YEATS4: variants seen among roughly 807,000 people sequenced by gnomAD.
YEATS4 encodes YEATS domain-containing protein 4.
A neutral mutation model predicts 30.1 loss-of-function variants in YEATS4; 17 were observed. The observed-to-expected ratio is 0.56, with a 90% CI of 0.39 to 0.85. YEATS4 has a LOEUF of 0.85. Among genes scored for constraint, YEATS4 ranks in the 40% least tolerant of loss-of-function variants. The pLI is 0.00. For missense variants in YEATS4, 142 were observed against 268.3 expected (o/e 0.53, Z 3.29); for synonymous variants, 85 against 87.5 (o/e 0.97, Z 0.16).
chr12:69,403,218 A>G, the YEATS4 span, among the ~76,000 whole-genome samples: 1 of 152,162 alleles, frequency 6.6e-6, no homozygotes. Flanking sequence ...ATTCAAAGTA[A>G]AAACCTGAGA....
chr12:69,372,202 AT>A, intron 6 of YEATS4, among the ~76,000 whole-genome samples: 1 of 152,266 alleles, frequency 6.6e-6, no homozygotes, highest in African/African-American at 2.4e-5. Context: ...AAAATGTTTA[AT>A]TTTGTGGGTA....
the YEATS4 span, among the ~76,000 whole-genome samples, chr12:69,420,412 A>G: frequency 0.11 from 16,356 of 150,838 alleles, 1,130 homozygotes; most frequent in East Asian, 0.36. Context: ...GGTTAGGGGG[A>G]GGGGGACAGA....
chr12:69,393,519 A>G (rs1479935882), downstream of YEATS4, among the ~76,000 whole-genome samples: 1 of 151,944 alleles, frequency 6.6e-6, no homozygotes, highest in Non-Finnish European at 1.5e-5. Context: ...AGGAAAAAAA[A>G]AAGAGTAAAT....
At chr12:69,413,857 AAAAAAAG>A in the YEATS4 span, among the ~76,000 whole-genome samples, 13 of 135,730 alleles carry the variant, frequency 9.6e-5, no homozygotes, top group East Asian at 2.5e-4. Context: ...GTCAAAAAAA[AAAAAAAG>A]AAAAAGAAAA....
the YEATS4 span, among the ~76,000 whole-genome samples, chr12:69,404,991 T>C: frequency 6.6e-5 from 10 of 152,190 alleles, no homozygotes; most frequent in African/African-American, 2.4e-4. Context: ...GAGAATGAAG[T>C]TGATACACAG....
At chr12:69,402,490 C>T in the YEATS4 span, among the ~76,000 whole-genome samples, 1 of 152,108 alleles carries the variant, frequency 6.6e-6, no homozygotes, top group African/African-American at 2.4e-5. Flanking sequence ...ACTGCTCTGT[C>T]CAGTCTTCTA....
chr12:69,422,072 G>A, the YEATS4 span, among the ~76,000 whole-genome samples: 1 of 152,118 alleles, frequency 6.6e-6, no homozygotes, highest in Non-Finnish European at 1.5e-5. Flanking sequence ...GGAGACCAGA[G>A]TGCTAATAGG....
the YEATS4 span, among the ~76,000 whole-genome samples, chr12:69,418,788 A>C: frequency 6.6e-6 from 1 of 152,050 alleles, no homozygotes; most frequent in African/African-American, 2.4e-5. Context: ...TAAGTTGTAA[A>C]TATAGCTGGC....
downstream of YEATS4, among the ~76,000 whole-genome samples, chr12:69,394,933 A>G (rs1249841417): frequency 6.6e-6 from 1 of 152,186 alleles, no homozygotes; most frequent in East Asian, 1.9e-4. Context: ...TAAACATACT[A>G]TACTTTTATT....
chr12:69,377,259 G>A (rs1044511102), intron 6 of YEATS4, among the ~76,000 whole-genome samples: 3 of 151,902 alleles, frequency 2.0e-5, no homozygotes, highest in East Asian at 1.9e-4. Flanking sequence ...ACAATACATC[G>A]TTAGATATTT....
At chr12:69,368,447 G>A (rs957570088) in intron 4 of YEATS4, among the ~76,000 whole-genome samples, 6 of 152,084 alleles carry the variant, frequency 3.9e-5, no homozygotes, top group Non-Finnish European at 5.9e-5. Context: ...GCCTATATCC[G>A]CATGAATGCC....
At chr12:69,423,279 T>C in the YEATS4 span, among the ~76,000 whole-genome samples, 448 of 152,258 alleles carry the variant, frequency 2.9e-3, no homozygotes, top group Non-Finnish European at 4.6e-3. Flanking sequence ...TCATTCTGGG[T>C]ACCGGGCTAA....
intron 6 of YEATS4, among the ~76,000 whole-genome samples, chr12:69,381,035 A>T (rs1052794727): frequency 6.6e-6 from 1 of 152,234 alleles, no homozygotes; most frequent in African/African-American, 2.4e-5. Context: ...TTTTGGGCAC[A>T]TATTGTCATT....
chr12:69,389,586 T>A (rs1224710198), intron 6 of YEATS4, among the ~76,000 whole-genome samples: 1 of 125,754 alleles, frequency 8.0e-6, no homozygotes, highest in Non-Finnish European at 1.6e-5. Context: ...TCATCTCAGC[T>A]CACTGCAACC....
At chr12:69,408,305 G>A in the YEATS4 span, among the ~76,000 whole-genome samples, 1 of 152,208 alleles carries the variant, frequency 6.6e-6, no homozygotes, top group South Asian at 2.1e-4. Flanking sequence ...CTTTAGATTT[G>A]ATACTAATTT....
the YEATS4 span, among the ~76,000 whole-genome samples, chr12:69,399,524 ACT>A: frequency 1.3e-5 from 2 of 152,198 alleles, no homozygotes; most frequent in Non-Finnish European, 2.9e-5. Flanking sequence ...AGAAATTGAA[ACT>A]CTCATATATT....
At chr12:69,388,063 A>ATT (rs66970417) in intron 6 of YEATS4, among the ~76,000 whole-genome samples, 12 of 143,472 alleles carry the variant, frequency 8.4e-5, no homozygotes, top group African/African-American at 2.5e-4. Flanking sequence ...TTTTATTTTT[A>ATT]TTTTTTTTTT....
intron 6 of YEATS4, 121 bp from the exon 7 acceptor site, chr12:69,390,026 C>T (rs1011563508): frequency 6.3e-6 from 5 of 795,466 alleles, no homozygotes; most frequent in Admixed American, 3.8e-5. Context: ...TGTTGTAATT[C>T]TTAAGTTATC....
the YEATS4 span, among the ~76,000 whole-genome samples, chr12:69,419,675 T>A: frequency 6.6e-6 from 1 of 152,204 alleles, no homozygotes; most frequent in East Asian, 1.9e-4. Context: ...AAGAAAGTCA[T>A]GTGTTGAGCA....
Sources: gnomAD v4.1 joint callset for allele counts (sites outside exome capture counted in the v4.1 genomes callset) on GRCh38, gnomAD v4.1.1 for gene constraint, MANE v1.5 for transcripts, NCBI Gene and HGNC (gene_info 2026-07-23, HGNC 2026-07-21) for gene names.